TMPRSS13: variants seen among roughly 807,000 people sequenced by gnomAD.
TMPRSS13 encodes the protein transmembrane serine protease 13, also known as transmembrane protease serine 13.
TMPRSS13 carries 50 observed loss-of-function variants against 68.4 expected under a neutral mutation model. That is an observed-to-expected ratio of 0.73 (90% CI 0.58 to 0.93). The LOEUF (loss-of-function observed/expected upper bound fraction) is 0.93, where lower values mean the gene tolerates loss of function less well. Ranked by LOEUF, TMPRSS13 falls within the 40% of genes least tolerant of loss-of-function variation. TMPRSS13 has a pLI of 0.00. For synonymous variants in TMPRSS13, 267 were observed against 285.8 expected, an observed-to-expected ratio of 0.93 and a Z score of 0.66; for missense variants, 615 against 729.2, an observed-to-expected ratio of 0.84 and a Z score of 1.80.
chr11:117,914,085 C>G lies in TMPRSS13; in HGVS notation c.680-179G>C, dbSNP rs1207294347. 6.6e-6 allele frequency among the ~76,000 whole-genome samples: 1 copy of G among 152,114 alleles called. No individual in the cohort carries two copies. Among genetic ancestry groups the G allele is most frequent in the Non-Finnish European group, 1.5e-5 (1 of 68,018 alleles). The stretch of plus-strand genomic sequence containing the variant: ...GGGGGTTAACCAGTACTCAGAAGCC[C>G]AGGATGCCTAGCATGGACAGAGCCA... On this transcript the variant is annotated intron_variant, in intron 4 of 12. Coordinates refer to ENST00000524993, the MANE Select transcript of TMPRSS13 (RefSeq NM_001077263.3). This position sits in a 1 kb window ranked among gnomAD's most constrained non-coding sequence, Gnocchi z 4.2.
intron 12 of TMPRSS13, 71 bp from the exon 13 acceptor site, chr11:117,902,336 G>C: frequency 6.4e-7 from 1 of 1,571,956 alleles, no homozygotes; most frequent in Non-Finnish European, 8.8e-7. Context: ...CCCAAGGTTG[G>C]GGTTCAGAAC....
intron 1 of TMPRSS13, among the ~76,000 whole-genome samples, chr11:117,920,788 C>T (rs2057637372): frequency 6.6e-6 from 1 of 152,182 alleles, no homozygotes; most frequent in Non-Finnish European, 1.5e-5. Context: ...CAGACCACAC[C>T]CAGCCGATAG....
chr11:117,918,888 C>A, intron 1 of TMPRSS13, 50 bp from the exon 2 acceptor site: 4 of 1,603,208 alleles, frequency 2.5e-6, no homozygotes, highest in Non-Finnish European at 3.4e-6. Flanking sequence ...TGCCAACCCA[C>A]CCCAGCTGTC....
chr11:117,915,412 G>A lies in TMPRSS13; in HGVS notation c.557-898C>T, dbSNP rs1293192229. Among the ~76,000 whole-genome samples, 5 of 152,186 alleles carry A rather than the reference G, an allele frequency of 3.3e-5. No homozygotes were observed. Among genetic ancestry groups the A allele is most frequent in the South Asian group, 2.1e-4 (1 of 4,828 alleles). ...CCATCACCCAGGGTAAAGGCCGCCC[G>A]GGTGTGACTGCTCCTTCCAGGTCCA... On this transcript the variant is annotated intron_variant, in intron 3 of 12. Transcript: ENST00000524993. The surrounding 1 kb of genome is among the most constrained non-coding windows in gnomAD (Gnocchi z 4.9).
chr11:117,902,158 C>G lies in TMPRSS13; in HGVS notation c.*81G>C, dbSNP rs531852869. On this transcript the variant is annotated 3_prime_UTR_variant, in exon 13 of 13. Transcript: ENST00000524993. ...CGATGGTGCCCGGTGGCCATTAGCC[C>G]AGATGATGCCACACATGGCCAGTCA... 6.5e-7 allele frequency: 1 copy of G among 1,549,470 alleles called. No individual in the cohort carries two copies. The highest frequency in any genetic ancestry group is 1.4e-5 in the African/African-American group (1 of 73,652).
intron 12 of TMPRSS13, among the ~76,000 whole-genome samples, chr11:117,902,782 T>C (rs2057420950): frequency 6.6e-6 from 1 of 152,228 alleles, no homozygotes; most frequent in Admixed American, 6.5e-5. Context: ...TCATCCTTAA[T>C]TTATAACAAT....
intron 9 of TMPRSS13, 133 bp from the exon 10 acceptor site, chr11:117,905,869 G>A: frequency 1.7e-6 from 1 of 599,856 alleles, no homozygotes; most frequent in Non-Finnish European, 3.0e-6. Flanking sequence ...CTAGAGTCCT[G>A]GATCTGAATC....
chr11:117,927,610 AT>A (rs1054416489), intron 1 of TMPRSS13, among the ~76,000 whole-genome samples: 1 of 152,116 alleles, frequency 6.6e-6, no homozygotes, highest in African/African-American at 2.4e-5. Flanking sequence ...AGAAATCACA[AT>A]GCATCTCTCT....
rs1266521598 is a variant in TMPRSS13 at position 117,914,918 on chromosome 11, G to A, written c.557-404C>T. Among the ~76,000 whole-genome samples, 6 of 152,068 alleles carry A rather than the reference G, an allele frequency of 3.9e-5. No homozygotes were observed. In the East Asian group the frequency reaches 5.8e-4, roughly 15 times the overall value. On this transcript the variant is annotated intron_variant, in intron 3 of 12. Transcript: ENST00000524993. This position sits in a 1 kb window ranked among gnomAD's most constrained non-coding sequence, Gnocchi z 4.2. ...TGCCATCCCATCTTCTCTGTGCTCC[G>A]CAGGGTCACAGCAGATAAATTTCTG...
At position 117,915,913 on chromosome 11, in the gene TMPRSS13, A is replaced by G. The variant is rs2057573117; in HGVS notation, c.556+1257T>C. On this transcript the variant is annotated intron_variant, in intron 3 of 12. Coordinates refer to ENST00000524993, the MANE Select transcript of TMPRSS13 (RefSeq NM_001077263.3). The surrounding 1 kb of genome is among the most constrained non-coding windows in gnomAD (Gnocchi z 4.9). ...GCACCATGCCGAGGCCTTTATGTGC[A>G]TTATGACAAAGACCACCCCACCCAG... 6.6e-6 allele frequency among the ~76,000 whole-genome samples: 1 copy of G among 152,218 alleles called. No individual in the cohort carries two copies. The highest frequency in any genetic ancestry group is 1.5e-5 in the Non-Finnish European group (1 of 68,034).
At chr11:117,927,106 G>T (rs1240608495) in intron 1 of TMPRSS13, among the ~76,000 whole-genome samples, 1 of 152,152 alleles carries the variant, frequency 6.6e-6, no homozygotes. Context: ...CACCAATTTT[G>T]CACAATCAAA....
intron 7 of TMPRSS13, 94 bp downstream of exon 7, chr11:117,910,613 C>T: frequency 1.5e-6 from 2 of 1,294,802 alleles, no homozygotes; most frequent in African/African-American, 1.5e-5. Context: ...TGACTTGAAC[C>T]CCTGTGCCAA....
At chr11:117,907,982 G>T (rs2057480467) in intron 9 of TMPRSS13, 1 of 988,768 alleles carries the variant, frequency 1.0e-6, no homozygotes, top group South Asian at 4.7e-5. Flanking sequence ...CATTTCCTTT[G>T]TGTAGCCTCC....
Position 117,918,810 on chromosome 11 carries a change from G to C in TMPRSS13, c.50C>G (p.Ala17Gly). 6.2e-7 allele frequency: 1 copy of C among 1,613,842 alleles called. No homozygotes were observed. The highest frequency in any genetic ancestry group is 8.5e-7 in the Non-Finnish European group (1 of 1,179,848). The change falls in exon 2 of 13, where the codon GCT becomes GGT. Residue 17 changes from alanine (A) to glycine (G), a missense_variant. By Grantham distance (60) the Ala-to-Gly change is moderately conservative. Transcript: ENST00000524993. ...AGATGCCTGGGCTGGAGATGCTCCA[G>C]CTGAAGGTGTTCTTGCTGGAGATGC... is the stretch of plus-strand genomic sequence containing the variant. ...GNASPARTPS[A>G]GASPAQASPA...
rs905459726 is a variant in TMPRSS13, at chr11:117,914,490, C to T, written c.581G>A (p.Gly194Glu). The change falls in exon 4 of 13, where the codon GGG becomes GAG. Residue 194 changes from glycine to glutamate, a missense_variant. Coordinates refer to ENST00000524993, the MANE Select transcript of TMPRSS13 (RefSeq NM_001077263.3). The surrounding 1 kb of genome is among the most constrained non-coding windows in gnomAD (Gnocchi z 4.2). ...ILFQFWQGHT[G>E]IRYKEQRESC... ...CTCCCTCTGCTCCTTGTACCTGATC[C>T]CTGTGTGGCCCTGCCAGAACTGGAC... is the stretch of plus-strand genomic sequence containing the variant. 1.2e-6 allele frequency: 2 copies of T among 1,614,008 alleles called. No homozygotes were observed. Among genetic ancestry groups the T allele is most frequent in the Non-Finnish European group, 1.7e-6 (2 of 1,180,010 alleles).
Position 117,911,789 on chromosome 11 carries a change from G to A in TMPRSS13, c.881C>T (p.Thr294Ile), listed in dbSNP as rs1197116237. The stretch of plus-strand genomic sequence containing the variant: ...ATACCTGTGGAGGCTTTCCTGGATG[G>A]TGGAGTTGTATCTCAAGATTGAGAA... ...NSFSILRYNS[T>I]IQESLHRSEC... Residue 294 changes from threonine to isoleucine, a missense_variant, in exon 6 of 13, where the codon ACC (threonine) becomes ATC (isoleucine). Physicochemically the swap from Thr to Ile is moderately conservative, Grantham distance 89. Transcript: ENST00000524993. 3.1e-6 allele frequency: 5 copies of A among 1,613,962 alleles called. No individual in the cohort carries two copies. The East Asian group carries it at 8.9e-5, about 29-fold the overall frequency.
At chr11:117,904,565 A>G (rs972339507) in intron 10 of TMPRSS13, among the ~76,000 whole-genome samples, 2 of 152,120 alleles carry the variant, frequency 1.3e-5, no homozygotes, top group African/African-American at 4.8e-5. Flanking sequence ...CAAGAGGAGA[A>G]GTAGGCTGCA....
chr11:117,919,668 T>C (rs1188574502), intron 1 of TMPRSS13, among the ~76,000 whole-genome samples: 1 of 152,282 alleles, frequency 6.6e-6, no homozygotes, highest in Non-Finnish European at 1.5e-5. Flanking sequence ...GTACTGGCAC[T>C]TTAGAGTTGA....
chr11:117,906,177 G>A (rs973381219), intron 9 of TMPRSS13, among the ~76,000 whole-genome samples: 2 of 152,228 alleles, frequency 1.3e-5, no homozygotes, highest in Non-Finnish European at 2.9e-5. Flanking sequence ...TGTCCAGCCT[G>A]GTCTGGCGAG....
Sources: allele counts gnomAD v4.1 joint callset (sites outside exome capture counted in the v4.1 genomes callset), GRCh38; gene constraint gnomAD v4.1.1; non-coding constraint Gnocchi (gnomAD v3.1); transcripts MANE v1.5; gene names NCBI Gene and HGNC (gene_info 2026-07-23, HGNC 2026-07-21).